UBE4B: variants seen among roughly 807,000 people sequenced by gnomAD.
The protein encoded by UBE4B is ubiquitin conjugation factor E4 B.
A neutral mutation model predicts 148.1 loss-of-function variants in UBE4B; 27 were observed. That is an observed-to-expected ratio of 0.18 (90% CI 0.13 to 0.25). The LOEUF (loss-of-function observed/expected upper bound fraction) is 0.25, where lower values mean the gene tolerates loss of function less well. Ranked by LOEUF, UBE4B falls within the 10% of genes least tolerant of loss-of-function variation. UBE4B has a pLI of 1.00. For missense variants in UBE4B, 1,170 were observed against 1,662.4 expected (o/e 0.70, Z 5.15); for synonymous variants, 596 against 619.3 (o/e 0.96, Z 0.56).
In UBE4B at chr1:10,123,761, GTTGTTTTGTT is replaced by G. The variant is rs901948982; in HGVS notation, c.1554+1703_1554+1712del. Reference sequence around the variant, plus strand: ...ATTCATATAACATCAAACCACCGTTGTTGTTTTGTTTTGTTTTGTTTTGTTTTTTGAGATG... The same window carrying G: ...ATTCATATAACATCAAACCACCGTTGTTGTTTTGTTTTGTTTTTTGAGATG... On this transcript the variant is annotated intron_variant, in intron 10 of 27. Transcript: ENST00000343090. Among the ~76,000 whole-genome samples the G allele has an allele frequency of 5.9e-5, 9 of 151,982 alleles. No homozygotes were observed. The East Asian group carries it at 1.4e-3, about 23-fold the overall frequency.
At position 10,106,178 on chromosome 1, in the gene UBE4B, C is replaced by T; in HGVS notation, c.810-19C>T. The T allele has an allele frequency of 1.3e-6, 2 of 1,541,732 alleles. No individual in the cohort carries two copies. Among genetic ancestry groups the T allele is most frequent in the Non-Finnish European group, 1.7e-6 (2 of 1,143,288 alleles). On this transcript the variant is annotated intron_variant, in intron 6 of 27. Transcript: ENST00000343090. This position sits in a 1 kb window ranked among gnomAD's most constrained non-coding sequence, Gnocchi z 4.2. ...TCTTTGATTTTTCTCTTCTTTCCTC[C>T]CTTTCTCAACTAATTTAGCCTCTAT...
chr1:10,146,575 G>A (rs778992472), intron 18 of UBE4B, among the ~76,000 whole-genome samples: 6 of 152,128 alleles, frequency 3.9e-5, no homozygotes, highest in Non-Finnish European at 8.8e-5. Flanking sequence ...CCAGCATTTT[G>A]CCCGAGGGCA....
At chr1:10,079,778 T>G (rs745907594) in intron 2 of UBE4B, among the ~76,000 whole-genome samples, 1 of 152,192 alleles carries the variant, frequency 6.6e-6, no homozygotes, top group Non-Finnish European at 1.5e-5. Flanking sequence ...AATTTGTTTC[T>G]TTTCTTTGGC....
intron 1 of UBE4B, among the ~76,000 whole-genome samples, chr1:10,053,151 T>C (rs943853799): frequency 4.6e-5 from 7 of 151,942 alleles, no homozygotes; most frequent in African/African-American, 1.7e-4. Flanking sequence ...TATTTATTTA[T>C]TTATTTATTT....
intron 3 of UBE4B, among the ~76,000 whole-genome samples, chr1:10,097,735 G>C (rs1014920385): frequency 4.6e-5 from 7 of 151,866 alleles, no homozygotes; most frequent in African/African-American, 1.4e-4. Context: ...GCTTGAACTT[G>C]GGAGGTGGAG....
rs538046266 is a variant in UBE4B, at chr1:10,095,835, G to A, written c.347+239G>A. On this transcript the variant is annotated intron_variant, in intron 3 of 27. Transcript: ENST00000343090. Reference sequence around the variant, plus strand: ...CGCCCAGGCTGGAGTGCAGTGGTGCGATCATGGCTCACTGCAATTTCCGCC... The same window carrying A: ...CGCCCAGGCTGGAGTGCAGTGGTGCAATCATGGCTCACTGCAATTTCCGCC... Among the ~76,000 whole-genome samples the A allele has an allele frequency of 4.6e-5, 7 of 152,282 alleles. No homozygotes were observed. In the East Asian group the frequency reaches 1.2e-3, roughly 25 times the overall value.
At chr1:10,125,384 A>G (rs1397497231) in intron 10 of UBE4B, among the ~76,000 whole-genome samples, 1 of 152,234 alleles carries the variant, frequency 6.6e-6, no homozygotes, top group African/African-American at 2.4e-5. Context: ...TTTATCTGGC[A>G]TATGAGAGCA....
intron 17 of UBE4B, among the ~76,000 whole-genome samples, chr1:10,137,958 G>T (rs1388622830): frequency 3.6e-5 from 4 of 110,544 alleles, no homozygotes; most frequent in Non-Finnish European, 6.9e-5. Context: ...TTTTTGAGAC[G>T]GAGTCTCGCT....
chr1:10,177,584 A>G (rs1281837401), intron 25 of UBE4B, among the ~76,000 whole-genome samples: 1 of 152,152 alleles, frequency 6.6e-6, no homozygotes, highest in Non-Finnish European at 1.5e-5. Context: ...TGAGCCCAGG[A>G]GTTTGAGGCT....
chr1:10,173,343 G>A lies in UBE4B; in HGVS notation c.3525+2014G>A, dbSNP rs188178045. ...AAAAATACAAAAAAATTAGCCGGGC[G>A]TGGTGGCGGGCGCCTGTAGTCCCAG... On this transcript the variant is annotated intron_variant, in intron 25 of 27. Coordinates refer to ENST00000343090, the MANE Select transcript of UBE4B (RefSeq NM_001105562.3). Among the ~76,000 whole-genome samples the A allele has an allele frequency of 9.5e-3, 1,437 of 151,930 alleles. 29 individuals are homozygous for A. Among genetic ancestry groups the A allele is most frequent in the Middle Eastern group, 0.038 (11 of 292 alleles).
At chr1:10,099,731 G>A (rs1288298416) in intron 3 of UBE4B, among the ~76,000 whole-genome samples, 1 of 152,162 alleles carries the variant, frequency 6.6e-6, no homozygotes, top group Non-Finnish European at 1.5e-5. Context: ...TGAAGTTTTA[G>A]TAATTAAGAC....
intron 19 of UBE4B, among the ~76,000 whole-genome samples, chr1:10,148,362 T>G (rs1275201916): frequency 6.6e-6 from 1 of 152,024 alleles, no homozygotes; most frequent in Non-Finnish European, 1.5e-5. Context: ...CTGGGCGTGG[T>G]GGCTCACGTC....
intron 1 of UBE4B, among the ~76,000 whole-genome samples, chr1:10,052,463 G>T (rs901001195): frequency 8.5e-5 from 13 of 152,166 alleles, no homozygotes; most frequent in African/African-American, 2.7e-4. Flanking sequence ...TAAGATGTCC[G>T]GGTAGATCAT....
intron 21 of UBE4B, among the ~76,000 whole-genome samples, chr1:10,154,096 A>C (rs1481172973): frequency 6.6e-6 from 1 of 152,116 alleles, no homozygotes; most frequent in African/African-American, 2.4e-5. Flanking sequence ...AACAAAAATT[A>C]GCTGGACATG....
chr1:10,041,759 C>T (rs1425351529), intron 1 of UBE4B, among the ~76,000 whole-genome samples: 1 of 150,118 alleles, frequency 6.7e-6, no homozygotes, highest in African/African-American at 2.5e-5. Flanking sequence ...TGCAGTGGCA[C>T]GATCTCTGCT....
intron 2 of UBE4B, among the ~76,000 whole-genome samples, chr1:10,094,658 T>A (rs1448354362): frequency 1.3e-5 from 2 of 151,948 alleles, no homozygotes; most frequent in South Asian, 2.1e-4. Flanking sequence ...ATGGTCTCAA[T>A]CTCCTGACCT....
intron 7 of UBE4B, among the ~76,000 whole-genome samples, chr1:10,117,085 GT>G (rs1645324432): frequency 1.3e-5 from 2 of 152,288 alleles, no homozygotes; most frequent in South Asian, 2.1e-4. Context: ...CCCCCAAAGA[GT>G]TTGATTACAG....
intron 2 of UBE4B, among the ~76,000 whole-genome samples, chr1:10,092,615 G>T (rs564662134): frequency 1.3e-5 from 2 of 152,038 alleles, no homozygotes; most frequent in Admixed American, 1.3e-4. Context: ...ATCACCTGAG[G>T]TCAGGAGTTC....
intron 23 of UBE4B, among the ~76,000 whole-genome samples, chr1:10,163,067 T>G (rs1284897867): frequency 6.6e-6 from 1 of 152,102 alleles, no homozygotes; most frequent in Non-Finnish European, 1.5e-5. Context: ...TTTATTATTA[T>G]TAATAAATAA....
Sources: allele counts gnomAD v4.1 joint callset (sites outside exome capture counted in the v4.1 genomes callset), GRCh38; gene constraint gnomAD v4.1.1; non-coding constraint Gnocchi (gnomAD v3.1); transcripts MANE v1.5; gene names NCBI Gene and HGNC (gene_info 2026-07-23, HGNC 2026-07-21).